The following MYH11 variants were observed in gnomAD, a reference collection of about 807,000 sequenced individuals.
MYH11 encodes the protein myosin heavy chain 11, also known as myosin-11.
MYH11 carries 80 observed loss-of-function variants against 246.6 expected under a neutral mutation model. That is an observed-to-expected ratio of 0.32 (90% CI 0.27 to 0.39). The LOEUF (loss-of-function observed/expected upper bound fraction) is 0.39. Among genes scored for constraint, MYH11 ranks in the 10% least tolerant of loss-of-function variants. The pLI, the probability that MYH11 is intolerant of heterozygous loss-of-function variation, is 1.00. For missense variants in MYH11, 2,158 were observed against 2,546.8 expected (o/e 0.85, Z 3.29); for synonymous variants, 1,071 against 1,015.5 (o/e 1.05, Z -1.04).
At chr16:15,741,367 C>T (rs1345664536) in intron 22 of MYH11, 96 bp downstream of exon 22, 1 of 1,350,034 alleles carries the variant, frequency 7.4e-7, no homozygotes, top group East Asian at 2.3e-5. Context: ...TCATCTGTCC[C>T]AGCAGGGACA....
intron 3 of MYH11, among the ~76,000 whole-genome samples, chr16:15,813,960 G>T (rs1025092929): frequency 2.0e-5 from 3 of 151,624 alleles, no homozygotes; most frequent in East Asian, 3.9e-4. Context: ...CTCGAGACGA[G>T]CCTGGCCAAC....
At chr16:15,815,283 G>A (rs58600989) in intron 3 of MYH11, among the ~76,000 whole-genome samples, 8,331 of 152,222 alleles carry the variant, frequency 0.055, 718 homozygotes, top group African/African-American at 0.18. Context: ...AGGAAAATAT[G>A]TATCTTGGAG....
Position 15,704,072 on chromosome 16 carries a change from T to G in MYH11, c.5838A>C (p.Arg1946Ser). 2 of 1,614,164 alleles carry G rather than the reference T, an allele frequency of 1.2e-6. No homozygotes were observed. Among genetic ancestry groups the G allele is most frequent in the Non-Finnish European group, 1.7e-6 (2 of 1,180,018 alleles). The change falls in exon 41 of 41, where the codon AGA becomes AGC. Residue 1946 changes from arginine to serine, a missense_variant. Around this residue, in one of 11 missense-constraint regions of MYH11, gnomAD observed 1,013 missense variants for 993.5 expected, o/e 1.02. Coordinates refer to ENST00000300036, the MANE Select transcript of MYH11 (RefSeq NM_002474.3). Reference sequence around the variant, plus strand: ...CAGAACCATCTGCATTTTCAATAACTCTACGTCCTCCAGACCTTCTAGAAG... The same window carrying G: ...CAGAACCATCTGCATTTTCAATAACGCTACGTCCTCCAGACCTTCTAGAAG... ...FVPSRRSGGRRVIENADGSEE... is the reference protein window; with the variant it reads ...FVPSRRSGGRSVIENADGSEE...
intron 2 of MYH11, among the ~76,000 whole-genome samples, chr16:15,833,343 G>T (rs2043796253): frequency 6.9e-6 from 1 of 143,918 alleles, no homozygotes; most frequent in East Asian, 2.1e-4. Context: ...AAGACAGAAA[G>T]ACAGAGAAAG....
intron 38 of MYH11, among the ~76,000 whole-genome samples, chr16:15,716,506 T>C (rs1486718896): frequency 1.3e-5 from 2 of 151,660 alleles, no homozygotes; most frequent in African/African-American, 4.9e-5. Context: ...TGGACTTTTG[T>C]TTTTTGGGGT....
In MYH11 at chr16:15,720,865, C is replaced by G; in HGVS notation, c.4765G>C (p.Glu1589Gln). The G allele has an allele frequency of 6.2e-7, 1 of 1,613,848 alleles. No individual in the cohort carries two copies. The highest frequency in any genetic ancestry group is 8.5e-7 in the Non-Finnish European group (1 of 1,180,000). ...TGTCTCTGCAGTTGCCTCCTCTTCTCCTCATTCTGCTCGTCCCGGGCTTGG... is the reference window on the plus strand; with the variant it reads ...TGTCTCTGCAGTTGCCTCCTCTTCTGCTCATTCTGCTCGTCCCGGGCTTGG... Reference protein sequence around the residue: ...DLQARDEQNEEKRRQLQRQLH... With the variant: ...DLQARDEQNEQKRRQLQRQLH... Residue 1589 changes from glutamate to glutamine, a missense_variant, in exon 33 of 41, where the codon GAG becomes CAG. Physicochemically the swap from Glu to Gln is conservative, Grantham distance 29. Coordinates refer to ENST00000300036, the MANE Select transcript of MYH11 (RefSeq NM_002474.3).
chr16:15,788,075 A>ATTTTTTTTTTTTTTTTTTTTTTTTT (rs1555569323), intron 4 of MYH11, among the ~76,000 whole-genome samples: 7 of 42,694 alleles, frequency 1.6e-4, no homozygotes, highest in Admixed American at 7.3e-4. Flanking sequence ...ATGAAGGTAG[A>ATTTTTTTTTTTTTTTTTTTTTTTTT]TCTTTTTTTT....
chr16:15,782,783 T>C, intron 5 of MYH11: 1 of 399,762 alleles, frequency 2.5e-6, no homozygotes, highest in Non-Finnish European at 4.7e-6. Flanking sequence ...ATGTCGGTGA[T>C]GTCATTTACA....
At chr16:15,796,860 C>T (rs1255754703) in intron 4 of MYH11, among the ~76,000 whole-genome samples, 3 of 152,100 alleles carry the variant, frequency 2.0e-5, no homozygotes, top group Admixed American at 6.5e-5. Context: ...ACTAGGAAAC[C>T]AAGTCGGCAG....
chr16:15,847,042 T>C (rs1022798449), intron 1 of MYH11, among the ~76,000 whole-genome samples: 1 of 152,052 alleles, frequency 6.6e-6, no homozygotes, highest in African/African-American at 2.4e-5. Flanking sequence ...TACACTTCAT[T>C]TTCCTTCCCT....
At chr16:15,793,648 C>G (rs1190639365) in intron 4 of MYH11, among the ~76,000 whole-genome samples, 1 of 127,030 alleles carries the variant, frequency 7.9e-6, no homozygotes, top group Non-Finnish European at 1.6e-5. Flanking sequence ...GAGACAGAGT[C>G]TCGCTCTGTC....
chr16:15,746,557 G>T (rs955594365), intron 19 of MYH11, among the ~76,000 whole-genome samples: 1 of 152,068 alleles, frequency 6.6e-6, no homozygotes, highest in Non-Finnish European at 1.5e-5. Context: ...GGGTCCTACT[G>T]GTGAGGGTGT....
intron 36 of MYH11, 196 bp from the exon 37 acceptor site, chr16:15,718,634 A>T: frequency 2.5e-6 from 2 of 792,346 alleles, no homozygotes; most frequent in South Asian, 3.7e-5. Flanking sequence ...GGTCCGTGTC[A>T]GCAAAGCTGG....
intron 20 of MYH11, 138 bp from the exon 21 acceptor site, chr16:15,742,029 T>A: frequency 7.4e-7 from 1 of 1,352,672 alleles, no homozygotes; most frequent in Non-Finnish European, 1.0e-6. Flanking sequence ...CTGGAGACAC[T>A]GCTGATTGTC....
chr16:15,795,969 T>C (rs1382800783), intron 4 of MYH11, among the ~76,000 whole-genome samples: 1 of 152,206 alleles, frequency 6.6e-6, no homozygotes, highest in Non-Finnish European at 1.5e-5. Flanking sequence ...AATGAATATT[T>C]ATTCAATGAA....
chr16:15,850,878 G>A (rs977504719), intron 1 of MYH11, among the ~76,000 whole-genome samples: 7 of 152,060 alleles, frequency 4.6e-5, no homozygotes, highest in Non-Finnish European at 1.0e-4. Flanking sequence ...CTGGGTGACA[G>A]AGTGAGACTC....
rs1418908913 is a variant in MYH11, at chr16:15,715,255, G to A, written c.5522C>T (p.Thr1841Ile). Reference sequence around the variant, plus strand: ...CTTGTCTTTCTGCTTCAGCGACTTGGTGGCCGCCTGTTTCTCTCTGCAAAC... The same window carrying A: ...CTTGTCTTTCTGCTTCAGCGACTTGATGGCCGCCTGTTTCTCTCTGCAAAC... The part of the protein sequence containing the change: ...EQEAREKQAA[T>I]KSLKQKDKKL... Residue 1841 changes from threonine to isoleucine, a missense_variant, in exon 39 of 41, where the codon ACC (threonine) becomes ATC (isoleucine). Thr to Ile is a moderately conservative substitution (Grantham distance 89). Coordinates refer to ENST00000300036, the MANE Select transcript of MYH11 (RefSeq NM_002474.3). 6.2e-7 allele frequency: 1 copy of A among 1,613,948 alleles called. No individual in the cohort carries two copies. The highest frequency in any genetic ancestry group is 1.3e-5 in the African/African-American group (1 of 74,908).
rs772702794 is a variant in MYH11, at chr16:15,750,011, T to C, written c.2058+127A>G. On this transcript the variant is annotated intron_variant, in intron 16 of 40. Coordinates refer to ENST00000300036, the MANE Select transcript of MYH11 (RefSeq NM_002474.3). The surrounding 1 kb of genome is among the most constrained non-coding windows in gnomAD (Gnocchi z 4.3). ...ATGGGGAATGGGTCTGAGATTCAGA[T>C]AGCCTTCCCCACATGGAAAATGGGG... The C allele has an allele frequency of 1.1e-5, 13 of 1,153,624 alleles. No homozygotes were observed. In the East Asian group the frequency reaches 2.4e-4, roughly 21 times the overall value. The allele number at this position is 1,153,624 out of a possible 1,614,324, so 71.5% of individuals were successfully genotyped here.
At chr16:15,768,143 T>C (rs1395415662) in intron 9 of MYH11, among the ~76,000 whole-genome samples, 1 of 152,122 alleles carries the variant, frequency 6.6e-6, no homozygotes, top group African/African-American at 2.4e-5. Flanking sequence ...TCCTGTTGTT[T>C]TAAGGCATCA....
Sources: gnomAD v4.1 joint callset for allele counts (sites outside exome capture counted in the v4.1 genomes callset) on GRCh38, gnomAD v4.1.1 for gene constraint, gnomAD v4.1.1 regional missense constraint, Gnocchi (gnomAD v3.1) non-coding constraint, MANE v1.5 for transcripts, NCBI Gene and HGNC (gene_info 2026-07-23, HGNC 2026-07-21) for gene names.